Variants in OSBPL9 observed in about 807,000 individuals in gnomAD.
The protein encoded by OSBPL9 is oxysterol-binding protein-related protein 9.
OSBPL9 carries 40 observed loss-of-function variants against 106.6 expected under a neutral mutation model. The observed-to-expected ratio is 0.38, with a 90% CI of 0.29 to 0.49. The LOEUF is 0.49. Among genes scored for constraint, OSBPL9 ranks in the 20% least tolerant of loss-of-function variants. The pLI is 0.97. For missense variants in OSBPL9, 609 were observed against 887.2 expected, an observed-to-expected ratio of 0.69 and a Z score of 3.98; for synonymous variants, 269 against 295.4, an observed-to-expected ratio of 0.91 and a Z score of 0.92.
At position 51,695,248 on chromosome 1, in the gene OSBPL9, G is replaced by T. The variant is rs560292774; in HGVS notation, c.242-18755G>T. ...TTCCCTGCAAGCATGTAGTGGTAAA[G>T]AATTTAGTGACTACCAGTTCTGATT... On this transcript the variant is annotated intron_variant, in intron 3 of 23. Coordinates refer to ENST00000428468, the MANE Select transcript of OSBPL9 (RefSeq NM_024586.6). Among the ~76,000 whole-genome samples the T allele has an allele frequency of 3.3e-5, 5 of 152,294 alleles. 1 individual carries two copies. Among genetic ancestry groups the T allele is most frequent in the African/African-American group, 1.2e-4 (5 of 41,560 alleles).
intron 1 of OSBPL9, among the ~76,000 whole-genome samples, chr1:51,591,310 A>G (rs1360709528): frequency 6.6e-6 from 1 of 152,004 alleles, no homozygotes; most frequent in Non-Finnish European, 1.5e-5. Flanking sequence ...GGCTTCAGGC[A>G]ATCCTGCCAC....
intron 15 of OSBPL9, among the ~76,000 whole-genome samples, chr1:51,778,380 T>C (rs921529790): frequency 5.3e-5 from 8 of 152,162 alleles, no homozygotes; most frequent in Non-Finnish European, 7.3e-5. Flanking sequence ...GATTTATCTA[T>C]ATGATATTTT....
At chr1:51,559,153 G>A in the OSBPL9 span, among the ~76,000 whole-genome samples, 1 of 152,110 alleles carries the variant, frequency 6.6e-6, no homozygotes, top group Non-Finnish European at 1.5e-5. Context: ...TGGGCTGCCA[G>A]AGCATCTGAA....
intron 3 of OSBPL9, among the ~76,000 whole-genome samples, chr1:51,685,513 T>G (rs1264012538): frequency 1.3e-5 from 2 of 152,110 alleles, no homozygotes; most frequent in African/African-American, 4.8e-5. Context: ...GTTCAAGCGA[T>G]TCTCCTGCCT....
At chr1:51,522,285 T>G in the OSBPL9 span, among the ~76,000 whole-genome samples, 5 of 152,204 alleles carry the variant, frequency 3.3e-5, no homozygotes, top group Non-Finnish European at 7.3e-5. Flanking sequence ...AAGAATCAGA[T>G]GCCCTAGCAA....
chr1:51,615,252 C>CA (rs1644023899), upstream of OSBPL9, among the ~76,000 whole-genome samples: 1 of 151,012 alleles, frequency 6.6e-6, no homozygotes, highest in Non-Finnish European at 1.5e-5. Flanking sequence ...AACTCCATCT[C>CA]AAAAAAACAA....
chr1:51,626,554 C>A (rs545872956), intron 1 of OSBPL9, among the ~76,000 whole-genome samples: 1 of 152,244 alleles, frequency 6.6e-6, no homozygotes, highest in Admixed American at 6.5e-5. Flanking sequence ...CTCTGTCACC[C>A]AGGCTGGAGT....
At chr1:51,655,406 A>G (rs568980494) in intron 2 of OSBPL9, among the ~76,000 whole-genome samples, 183 of 152,242 alleles carry the variant, frequency 1.2e-3, no homozygotes, top group African/African-American at 4.3e-3. Flanking sequence ...AGACCCCTCC[A>G]TCTTCATGTC....
intron 2 of OSBPL9, among the ~76,000 whole-genome samples, chr1:51,653,595 C>T (rs1189565927): frequency 6.6e-6 from 1 of 152,184 alleles, no homozygotes; most frequent in African/African-American, 2.4e-5. Context: ...AAAGTAATCA[C>T]TTCTTACATT....
chr1:51,627,108 A>T (rs535770359), intron 1 of OSBPL9, among the ~76,000 whole-genome samples: 7 of 152,200 alleles, frequency 4.6e-5, no homozygotes, highest in African/African-American at 1.7e-4. Context: ...AGGCCAAGTG[A>T]TCCTACCACC....
At chr1:51,756,569 C>G in intron 9 of OSBPL9, 1 of 531,404 alleles carries the variant, frequency 1.9e-6, no homozygotes, top group Non-Finnish European at 3.4e-6. Flanking sequence ...AGTGTGGGTT[C>G]AGATTGAATC....
chr1:51,721,330 G>A (rs573115186), intron 4 of OSBPL9, among the ~76,000 whole-genome samples: 18 of 152,204 alleles, frequency 1.2e-4, no homozygotes, highest in African/African-American at 4.3e-4. Context: ...ATGAAAAGGA[G>A]ATGTGGTTTT....
chr1:51,530,187 A>C, the OSBPL9 span, among the ~76,000 whole-genome samples: 3,793 of 101,586 alleles, frequency 0.037, 159 homozygotes, highest in Non-Finnish European at 0.055. Flanking sequence ...AAAAAAAAAA[A>C]AAAAACAAAA....
the OSBPL9 span, among the ~76,000 whole-genome samples, chr1:51,541,655 A>G: frequency 6.6e-6 from 1 of 152,204 alleles, no homozygotes; most frequent in Non-Finnish European, 1.5e-5. Context: ...GGGGATGGTC[A>G]GCATAGTGCT....
At chr1:51,663,401 A>G (rs1570904151) in intron 2 of OSBPL9, among the ~76,000 whole-genome samples, 1 of 152,120 alleles carries the variant, frequency 6.6e-6, no homozygotes, top group East Asian at 1.9e-4. Flanking sequence ...CTCAGCCAAC[A>G]TACAGAACCC....
chr1:51,560,904 G>A, the OSBPL9 span: 2 of 152,186 alleles, frequency 1.3e-5, no homozygotes, highest in African/African-American at 4.8e-5. Context: ...GGATCACGTA[G>A]GACCAGCAGA....
At chr1:51,775,976 A>T (rs1042483804) in intron 14 of OSBPL9, among the ~76,000 whole-genome samples, 2 of 152,174 alleles carry the variant, frequency 1.3e-5, no homozygotes, top group African/African-American at 4.8e-5. Context: ...AAATGTTAAG[A>T]AATTTTTGCT....
At chr1:51,678,814 A>T (rs1379007721) in intron 3 of OSBPL9, among the ~76,000 whole-genome samples, 1 of 152,228 alleles carries the variant, frequency 6.6e-6, no homozygotes, top group African/African-American at 2.4e-5. Flanking sequence ...CAATTTAGCA[A>T]GGCATATCTG....
At chr1:51,625,157 C>T (rs931073638) in intron 1 of OSBPL9, among the ~76,000 whole-genome samples, 4 of 152,200 alleles carry the variant, frequency 2.6e-5, no homozygotes, top group Non-Finnish European at 5.9e-5. Flanking sequence ...GCCATCTTTG[C>T]TTCCTGTGTT....
Sources: allele counts gnomAD v4.1 joint callset (sites outside exome capture counted in the v4.1 genomes callset), GRCh38; gene constraint gnomAD v4.1.1; transcripts MANE v1.5; gene names NCBI Gene and HGNC (gene_info 2026-07-23, HGNC 2026-07-21).